The following SHISA9 variants were observed in gnomAD, a reference collection of about 807,000 sequenced individuals.
SHISA9 encodes shisa family member 9, also known as protein shisa-9.
In SHISA9, 13 loss-of-function variants were observed where a neutral mutation model predicts 38.0. That is an observed-to-expected ratio of 0.34 (90% CI 0.22 to 0.54). The LOEUF is 0.54. Among genes scored for constraint, SHISA9 ranks in the 20% least tolerant of loss-of-function variants. The pLI, the probability that SHISA9 is intolerant of heterozygous loss-of-function variation, is 0.91. For missense variants in SHISA9, 538 were observed against 575.8 expected (o/e 0.93, Z 0.67); for synonymous variants, 275 against 242.0 (o/e 1.14, Z -1.27).
intron 2 of SHISA9, among the ~76,000 whole-genome samples, chr16:13,146,696 A>G (rs2050450178): frequency 6.6e-6 from 1 of 152,208 alleles, no homozygotes; most frequent in African/African-American, 2.4e-5. Context: ...CAAAAAGTTT[A>G]AAAACTTGTC....
intron 2 of SHISA9, among the ~76,000 whole-genome samples, chr16:13,004,158 C>A (rs941200026): frequency 6.6e-6 from 1 of 152,168 alleles, no homozygotes; most frequent in African/African-American, 2.4e-5. Flanking sequence ...TGGGTCTCTT[C>A]TTTAAGCCTC....
At chr16:13,100,988 G>A (rs561606999) in intron 2 of SHISA9, among the ~76,000 whole-genome samples, 1 of 152,278 alleles carries the variant, frequency 6.6e-6, no homozygotes, top group East Asian at 1.9e-4. Flanking sequence ...GAGCCACTGT[G>A]CTCACCCCGA....
intron 2 of SHISA9, among the ~76,000 whole-genome samples, chr16:13,092,510 A>C (rs1479298709): frequency 6.6e-6 from 1 of 152,024 alleles, no homozygotes; most frequent in African/African-American, 2.4e-5. Flanking sequence ...TTGTTTACCT[A>C]CTCAAGCCTC....
the SHISA9 span, among the ~76,000 whole-genome samples, chr16:13,359,741 G>A: frequency 5.3e-5 from 8 of 152,066 alleles, no homozygotes; most frequent in South Asian, 2.1e-4. Context: ...TAGCAGATGC[G>A]GTTGGTGCCA....
At chr16:13,541,980 A>C in the SHISA9 span, among the ~76,000 whole-genome samples, 200 of 152,318 alleles carry the variant, frequency 1.3e-3, no homozygotes, top group South Asian at 3.5e-3. Context: ...TAACATGATT[A>C]AGGTAAAGAG....
chr16:13,518,360 G>A, the SHISA9 span, among the ~76,000 whole-genome samples: 108 of 152,070 alleles, frequency 7.1e-4, no homozygotes, highest in African/African-American at 2.5e-3. Flanking sequence ...GTGTGCCGCC[G>A]ACCTGAGGCA....
At chr16:12,905,998 G>T (rs183946411) in intron 1 of SHISA9, among the ~76,000 whole-genome samples, 2 of 152,196 alleles carry the variant, frequency 1.3e-5, no homozygotes, top group Non-Finnish European at 2.9e-5. Context: ...GGCTGCTTAC[G>T]CAGTTAATCA....
chr16:13,134,658 T>C (rs1414892932), intron 2 of SHISA9, among the ~76,000 whole-genome samples: 1 of 152,100 alleles, frequency 6.6e-6, no homozygotes, highest in Non-Finnish European at 1.5e-5. Flanking sequence ...CTGAATCATG[T>C]ACAGTCTTGC....
At chr16:13,143,173 C>T (rs371231595) in intron 2 of SHISA9, among the ~76,000 whole-genome samples, 1 of 151,634 alleles carries the variant, frequency 6.6e-6, no homozygotes, top group Admixed American at 6.6e-5. Flanking sequence ...GCCTGGCTAA[C>T]TATTTTTTGT....
the SHISA9 span, among the ~76,000 whole-genome samples, chr16:13,531,196 A>T: frequency 5.3e-5 from 8 of 152,136 alleles, no homozygotes; most frequent in Non-Finnish European, 1.0e-4. Flanking sequence ...ACCCAAAAGT[A>T]TCCTAACTAA....
the SHISA9 span, among the ~76,000 whole-genome samples, chr16:13,385,782 CTG>C: frequency 3.5e-5 from 5 of 141,252 alleles, no homozygotes; most frequent in Admixed American, 1.4e-4. Flanking sequence ...AAGGAACAAA[CTG>C]TGGTATATCC....
intron 2 of SHISA9, among the ~76,000 whole-genome samples, chr16:12,987,884 T>A (rs868482676): frequency 5.9e-5 from 9 of 152,284 alleles, no homozygotes; most frequent in African/African-American, 2.2e-4. Context: ...GAGGCTTCCA[T>A]CCATGAAATA....
chr16:13,140,126 CTT>C (rs2050387696), intron 2 of SHISA9, among the ~76,000 whole-genome samples: 6 of 55,634 alleles, frequency 1.1e-4, no homozygotes, highest in African/African-American at 1.5e-4. Flanking sequence ...CTTCCCTTCC[CTT>C]CCCTTCCCTT....
chr16:13,102,904 C>T (rs2141958845), intron 2 of SHISA9, among the ~76,000 whole-genome samples: 1 of 152,290 alleles, frequency 6.6e-6, no homozygotes, highest in South Asian at 2.1e-4. Context: ...ACTTTTCATT[C>T]AGAAGGGAGA....
In SHISA9 at chr16:13,031,433, T is replaced by G. The variant is rs566039115; in HGVS notation, c.691+114618T>G. Among the ~76,000 whole-genome samples the G allele has an allele frequency of 1.4e-4, 22 of 151,898 alleles. No homozygotes were observed. The East Asian group carries it at 4.1e-3, about 28-fold the overall frequency. On this transcript the variant is annotated intron_variant, in intron 2 of 4. Coordinates refer to ENST00000558583, the MANE Select transcript of SHISA9 (RefSeq NM_001145204.3). Reference sequence around the variant, plus strand: ...TACAGATGGGATGCCTGAGGTAGAGTGGCCAGTATGATACAGGCACCAACC... The same window carrying G: ...TACAGATGGGATGCCTGAGGTAGAGGGGCCAGTATGATACAGGCACCAACC...
intron 2 of SHISA9, among the ~76,000 whole-genome samples, chr16:13,001,092 T>A (rs2072518841): frequency 6.6e-6 from 1 of 152,190 alleles, no homozygotes; most frequent in Admixed American, 6.5e-5. Flanking sequence ...GATGCCTGAC[T>A]AATTTTTGTA....
rs568278189 is a variant in SHISA9 at position 12,999,286 on chromosome 16, A to G, written c.691+82471A>G. On this transcript the variant is annotated intron_variant, in intron 2 of 4. Transcript: ENST00000558583. Reference sequence around the variant, plus strand: ...GAAAAAACCTGGCACTAAATAGACCATGAAAAGGACACTTGTTTACAGTTT... The same window carrying G: ...GAAAAAACCTGGCACTAAATAGACCGTGAAAAGGACACTTGTTTACAGTTT... 4.6e-5 allele frequency among the ~76,000 whole-genome samples: 7 copies of G among 152,312 alleles called. No homozygotes were observed. The South Asian group carries it at 1.0e-3, about 23-fold the overall frequency.
intron 2 of SHISA9, among the ~76,000 whole-genome samples, chr16:12,938,839 G>A (rs2071570090): frequency 6.6e-6 from 1 of 151,910 alleles, no homozygotes; most frequent in African/African-American, 2.4e-5. Flanking sequence ...TTTGATTTTT[G>A]TGGTGTATCT....
chr16:13,403,427 A>T, the SHISA9 span, among the ~76,000 whole-genome samples: 1 of 152,200 alleles, frequency 6.6e-6, no homozygotes, highest in East Asian at 1.9e-4. Flanking sequence ...GAATGAATGG[A>T]TGGATGATTG....
Sources: allele counts gnomAD v4.1 joint callset (sites outside exome capture counted in the v4.1 genomes callset), GRCh38; gene constraint gnomAD v4.1.1; transcripts MANE v1.5; gene names NCBI Gene and HGNC (gene_info 2026-07-23, HGNC 2026-07-21).